OCA2: variants seen among roughly 807,000 people sequenced by gnomAD.
OCA2 encodes OCA2 melanosomal transmembrane protein.
OCA2 carries 77 observed loss-of-function variants against 100.2 expected under a neutral mutation model. That is an observed-to-expected ratio of 0.77 (90% confidence interval 0.64 to 0.93). The LOEUF (loss-of-function observed/expected upper bound fraction) is 0.93, where lower values mean the gene tolerates loss of function less well. Ranked by LOEUF, OCA2 falls within the 40% of genes least tolerant of loss-of-function variation. The probability of loss-of-function intolerance (pLI) is 0.00; values close to 1 mark genes in which losing one functional copy is unlikely to be tolerated. For synonymous variants in OCA2, 432 were observed against 439.2 expected (o/e 0.98, Z 0.21); for missense variants, 1,062 against 1,089.1 (o/e 0.98, Z 0.35).
intron 16 of OCA2, among the ~76,000 whole-genome samples, chr15:27,955,667 G>A (rs1186384567): frequency 6.6e-6 from 1 of 152,024 alleles, no homozygotes; most frequent in Non-Finnish European, 1.5e-5. Context: ...TTGCTTTAAT[G>A]TTGTTTTTTA....
At chr15:27,923,949 A>G (rs1429398349) in intron 19 of OCA2, among the ~76,000 whole-genome samples, 2 of 152,136 alleles carry the variant, frequency 1.3e-5, no homozygotes, top group East Asian at 3.9e-4. Context: ...CTATGTGCAG[A>G]ATGGTATTGC....
At chr15:27,976,091 A>G (rs1174064380) in intron 14 of OCA2, among the ~76,000 whole-genome samples, 1 of 152,192 alleles carries the variant, frequency 6.6e-6, no homozygotes, top group East Asian at 1.9e-4. Context: ...ATAGAAAACC[A>G]TTAATTTTTG....
chr15:28,091,904 T>C (rs1280115995), intron 1 of OCA2, among the ~76,000 whole-genome samples: 1 of 152,154 alleles, frequency 6.6e-6, no homozygotes, highest in East Asian at 1.9e-4. Flanking sequence ...TGGAGTGAGC[T>C]GAGATCGTGC....
chr15:28,087,613 G>A (rs538945464), intron 1 of OCA2, among the ~76,000 whole-genome samples: 1 of 152,212 alleles, frequency 6.6e-6, no homozygotes, highest in Admixed American at 6.5e-5. Flanking sequence ...CAGGCATGGT[G>A]GTGCATGCCT....
At chr15:28,041,391 T>C (rs540523726) in intron 2 of OCA2, among the ~76,000 whole-genome samples, 1 of 151,790 alleles carries the variant, frequency 6.6e-6, no homozygotes, top group South Asian at 2.1e-4. Flanking sequence ...TAATAAAGAC[T>C]ATTTATGAAA....
intron 2 of OCA2, among the ~76,000 whole-genome samples, chr15:28,047,897 T>G (rs1485330789): frequency 1.3e-5 from 2 of 152,190 alleles, no homozygotes; most frequent in Non-Finnish European, 2.9e-5. Flanking sequence ...AGAAAGCTAC[T>G]GAGCTAATAA....
intron 23 of OCA2, among the ~76,000 whole-genome samples, chr15:27,780,635 TC>T (rs1007680159): frequency 6.6e-6 from 1 of 152,340 alleles, no homozygotes; most frequent in African/African-American, 2.4e-5. Context: ...AATTACAGGC[TC>T]CTTAGAGCCT....
intron 9 of OCA2, among the ~76,000 whole-genome samples, chr15:27,996,288 T>C (rs2041724880): frequency 6.6e-6 from 1 of 152,226 alleles, no homozygotes; most frequent in Non-Finnish European, 1.5e-5. Context: ...TTAGCCTGAT[T>C]GGATGACACT....
At chr15:28,014,217 G>A (rs867139290) in intron 9 of OCA2, among the ~76,000 whole-genome samples, 2 of 152,174 alleles carry the variant, frequency 1.3e-5, no homozygotes, top group Non-Finnish European at 2.9e-5. Context: ...ACATTGCTTC[G>A]TGCTATTGAA....
At chr15:27,992,966 T>TA (rs750596968) in intron 9 of OCA2, among the ~76,000 whole-genome samples, 154 of 151,836 alleles carry the variant, frequency 1.0e-3, no homozygotes, top group Admixed American at 2.5e-3. Flanking sequence ...CTACTAAAAA[T>TA]AAAAAAAATT....
the OCA2 span, among the ~76,000 whole-genome samples, chr15:27,736,450 C>T: frequency 6.6e-6 from 1 of 152,138 alleles, no homozygotes; most frequent in Non-Finnish European, 1.5e-5. Context: ...AGGCAGGACA[C>T]AGAGCAGAAT....
chr15:27,830,763 T>C (rs1380574538), intron 23 of OCA2, among the ~76,000 whole-genome samples: 3 of 152,146 alleles, frequency 2.0e-5, no homozygotes, highest in East Asian at 1.9e-4. Context: ...AACTGATCCA[T>C]GCAGAAAACA....
At chr15:27,797,177 G>T (rs1414057025) in intron 23 of OCA2, among the ~76,000 whole-genome samples, 1 of 152,196 alleles carries the variant, frequency 6.6e-6, no homozygotes, top group Non-Finnish European at 1.5e-5. Flanking sequence ...GATCTAAAGG[G>T]CTGGCTCTGA....
chr15:27,863,109 G>T (rs61336929), intron 21 of OCA2, among the ~76,000 whole-genome samples: 10,692 of 151,996 alleles, frequency 0.07, 828 homozygotes, highest in African/African-American at 0.19. Flanking sequence ...GGAAGGAGAG[G>T]CCCCCTGAGG....
At chr15:28,081,951 T>A in intron 1 of OCA2, 56 bp from the exon 2 acceptor site, 4 of 1,404,988 alleles carry the variant, frequency 2.8e-6, no homozygotes, top group Non-Finnish European at 3.9e-6. Context: ...GACTAACGTT[T>A]GCACCTTGGG....
chr15:27,809,777 C>T (rs567151175), intron 23 of OCA2, among the ~76,000 whole-genome samples: 29 of 152,174 alleles, frequency 1.9e-4, no homozygotes, highest in African/African-American at 5.8e-4. Context: ...AGCTGCAAAA[C>T]ATAAAATAAA....
chr15:27,877,226 A>G (rs2036826706), intron 19 of OCA2, among the ~76,000 whole-genome samples: 2 of 151,952 alleles, frequency 1.3e-5, no homozygotes. Context: ...TTGTGGTCAG[A>G]GTATATAATC....
At chr15:28,012,380 G>A (rs1422138126) in intron 9 of OCA2, among the ~76,000 whole-genome samples, 1 of 151,984 alleles carries the variant, frequency 6.6e-6, no homozygotes, top group East Asian at 1.9e-4. Context: ...GAACGGATGG[G>A]CTGCATGGGG....
chr15:27,783,772 T>C (rs1478453340), intron 23 of OCA2, among the ~76,000 whole-genome samples: 1 of 152,224 alleles, frequency 6.6e-6, no homozygotes, highest in African/African-American at 2.4e-5. Flanking sequence ...GGGCAAGAGA[T>C]TGCATTTCTG....
Sources: allele counts gnomAD v4.1 joint callset (sites outside exome capture counted in the v4.1 genomes callset), GRCh38; gene constraint gnomAD v4.1.1; transcripts MANE v1.5; gene names NCBI Gene and HGNC (gene_info 2026-07-23, HGNC 2026-07-21).